RGMB: variants seen among roughly 807,000 people sequenced by gnomAD.
RGMB encodes repulsive guidance molecule BMP co-receptor b, also known as repulsive guidance molecule B.
In RGMB, 16 loss-of-function variants were observed where a neutral mutation model predicts 26.9. The observed-to-expected ratio is 0.60, with a 90% CI of 0.40 to 0.90. The LOEUF is 0.90. RGMB is among the 40% of genes least tolerant of loss of function. RGMB has a pLI of 0.00. For missense variants in RGMB, 512 were observed against 573.3 expected (o/e 0.89, Z 1.09); for synonymous variants, 225 against 229.3 (o/e 0.98, Z 0.17).
rs1456508267 is a variant in RGMB, at chr5:98,793,474, C to G, written c.1035C>G (p.Ala345=). The change falls in exon 3 of 3, where the codon GCC becomes GCG. Residue 345 remains alanine, a synonymous_variant. Transcript: ENST00000513185. ...HSLPRTSLVQ[A]WPGYTLETAN... is the part of the protein sequence containing the mutation. ...TGCCTCGCACCTCCTTGGTGCAGGC[C>G]TGGCCTGGCTACACACTGGAGACTG... The G allele has an allele frequency of 2.5e-6, 4 of 1,613,310 alleles. No individual in the cohort carries two copies. The highest frequency in any genetic ancestry group is 2.5e-6 in the Non-Finnish European group (3 of 1,179,636).
intron 2 of RGMB, among the ~76,000 whole-genome samples, chr5:98,791,269 G>C (rs1580294921): frequency 6.6e-6 from 1 of 152,186 alleles, no homozygotes; most frequent in East Asian, 1.9e-4. Flanking sequence ...TTTAGTTGCA[G>C]CTGCACACAG....
At chr5:98,780,266 A>T in intron 2 of RGMB, 178 bp downstream of exon 2, 1 of 582,380 alleles carries the variant, frequency 1.7e-6, no homozygotes, top group South Asian at 2.7e-5. Flanking sequence ...TTCTTATTGG[A>T]ATGTAAACGT....
At chr5:98,784,680 T>A (rs1475914761) in intron 2 of RGMB, among the ~76,000 whole-genome samples, 2 of 152,250 alleles carry the variant, frequency 1.3e-5, no homozygotes, top group Non-Finnish European at 2.9e-5. Flanking sequence ...ATCTGTTCTC[T>A]GTTGACCCCA....
chr5:98,778,618 A>C (rs897348200), intron 1 of RGMB, among the ~76,000 whole-genome samples: 3 of 152,214 alleles, frequency 2.0e-5, no homozygotes, highest in African/African-American at 7.2e-5. Flanking sequence ...ATTTTATGGA[A>C]CAGAATATTA....
At position 98,793,827 on chromosome 5, in the gene RGMB, TGA is replaced by T; in HGVS notation, c.*76_*77del. On this transcript the variant is annotated 3_prime_UTR_variant, in exon 3 of 3. Transcript: ENST00000513185. Reference sequence around the variant, plus strand: ...TAAAATATATATTGTCATAATATATTGAGTAAAAGAGTATATATGTATATACC... The same window carrying T: ...TAAAATATATATTGTCATAATATATTGTAAAAGAGTATATATGTATATACC... 1.7e-6 allele frequency: 2 copies of T among 1,159,736 alleles called. No homozygotes were observed. Among genetic ancestry groups the T allele is most frequent in the Non-Finnish European group, 2.4e-6 (2 of 840,104 alleles). The allele number at this position is 1,159,736 out of a possible 1,614,324, so 71.8% of individuals were successfully genotyped here.
In RGMB at chr5:98,793,107, A is replaced by C. The variant is rs1373519209; in HGVS notation, c.668A>C (p.His223Pro). 5 of 1,609,438 alleles carry C rather than the reference A, an allele frequency of 3.1e-6. No homozygotes were observed. The highest frequency in any genetic ancestry group is 2.2e-5 in the South Asian group (2 of 90,814). The change falls in exon 3 of 3, where the codon CAC becomes CCC. Residue 223 changes from histidine to proline, a missense_variant. Physicochemically the swap from His to Pro is moderately conservative, Grantham distance 77. Coordinates refer to ENST00000513185, the MANE Select transcript of RGMB (RefSeq NM_001366508.1). ...TNKITIIFKAHHECTDQKVYQ... is the reference protein window; with the variant it reads ...TNKITIIFKAPHECTDQKVYQ... Reference sequence around the variant, plus strand: ...CAGATCACTATTATCTTCAAAGCCCACCATGAGTGTACAGATCAGAAAGTC... The same window carrying C: ...CAGATCACTATTATCTTCAAAGCCCCCCATGAGTGTACAGATCAGAAAGTC...
At chr5:98,784,152 GCAGATGGA>G (rs1390422441) in intron 2 of RGMB, among the ~76,000 whole-genome samples, 1 of 152,292 alleles carries the variant, frequency 6.6e-6, no homozygotes, top group African/African-American at 2.4e-5. Flanking sequence ...TGACTGTTAG[GCAGATGGA>G]CAGATGCTCT....
upstream of RGMB, chr5:98,770,394 G>A: frequency 2.5e-6 from 1 of 395,822 alleles, no homozygotes. Context: ...GACAGGAAGC[G>A]CATTACCTCC....
upstream of RGMB, chr5:98,769,848 G>C (rs1310613026): frequency 6.6e-6 from 1 of 152,376 alleles, no homozygotes. Flanking sequence ...CTCCACGCCT[G>C]GAACCGGCTA....
At chr5:98,790,818 T>G (rs1233478964) in intron 2 of RGMB, among the ~76,000 whole-genome samples, 1 of 152,270 alleles carries the variant, frequency 6.6e-6, no homozygotes, top group Non-Finnish European at 1.5e-5. Context: ...TTAGCCGTCA[T>G]TGAAGAGTTT....
In RGMB at chr5:98,793,818, A is replaced by G; in HGVS notation, c.*65A>G. 8.2e-7 allele frequency: 1 copy of G among 1,224,764 alleles called. No individual in the cohort carries two copies. Among genetic ancestry groups the G allele is most frequent in the South Asian group, 1.6e-5 (1 of 61,534 alleles). 75.9% of individuals were successfully genotyped at this position (1,224,764 alleles called of 1,614,324 possible). A position where few individuals can be genotyped will look rare whatever the true frequency, so the allele number is the denominator to read the frequency against. ...ACAAAATTTTAAAATATATATTGTCATAATATATTGAGTAAAAGAGTATAT... is the reference window on the plus strand; with the variant it reads ...ACAAAATTTTAAAATATATATTGTCGTAATATATTGAGTAAAAGAGTATAT... On this transcript the variant is annotated 3_prime_UTR_variant, in exon 3 of 3. Coordinates refer to ENST00000513185, the MANE Select transcript of RGMB (RefSeq NM_001366508.1).
upstream of RGMB, chr5:98,769,208 T>TA (rs1406444368): frequency 7.1e-6 from 1 of 141,656 alleles, no homozygotes; most frequent in East Asian, 2.1e-4. Flanking sequence ...CCGTCCGCAG[T>TA]GCCGGAATGA....
chr5:98,773,610 C>CG, upstream of RGMB: 1 of 258,402 alleles, frequency 3.9e-6, no homozygotes, highest in South Asian at 1.8e-4. Flanking sequence ...GGGCACAGGG[C>CG]GGGGCGGGAC....
At position 98,779,716 on chromosome 5, in the gene RGMB, CA is replaced by C; in HGVS notation, c.274del (p.Thr92ProfsTer25). On this transcript the variant is annotated frameshift_variant, in exon 2 of 3. Transcript: ENST00000513185. LOFTEE classifies it high-confidence loss of function. ...AGGCCTTGCGTGCCTATGCTGGCTG[CA>C]CCCAGCGAACTTCAAAAGCCTGCCG... Reference protein sequence around the residue: ...CKALRAYAGCTQRTSKACRGN... With the variant: ...CKALRAYAGCXQRTSKACRGN... The C allele has an allele frequency of 6.2e-7, 1 of 1,612,298 alleles. No homozygotes were observed. The highest frequency in any genetic ancestry group is 8.5e-7 in the Non-Finnish European group (1 of 1,178,698).
At chr5:98,770,699 A>G, upstream of RGMB, 1 of 1,416,798 alleles carries the variant, frequency 7.1e-7, no homozygotes, top group Non-Finnish European at 9.4e-7. Context: ...TGATTTCTCA[A>G]GTCGCCCGCT....
At chr5:98,785,526 C>T (rs1746744846) in intron 2 of RGMB, among the ~76,000 whole-genome samples, 1 of 152,162 alleles carries the variant, frequency 6.6e-6, no homozygotes, top group Non-Finnish European at 1.5e-5. Flanking sequence ...CTCTTTCCAC[C>T]TCCCACAGTA....
intron 2 of RGMB, among the ~76,000 whole-genome samples, chr5:98,782,851 C>G (rs1353724988): frequency 1.3e-5 from 2 of 152,190 alleles, no homozygotes; most frequent in African/African-American, 2.4e-5. Context: ...CTAGGTACCC[C>G]CCTTTTCCTT....
Position 98,793,784 on chromosome 5 carries a change from T to A in RGMB, c.*31T>A. ...GTCTTTTGTTTTGGTTTTTTATTTT[T>A]TGTCTATAACAAAATTTTAAAATAT... is the stretch of plus-strand genomic sequence containing the variant. On this transcript the variant is annotated 3_prime_UTR_variant, in exon 3 of 3. Transcript: ENST00000513185. 1.4e-6 allele frequency: 2 copies of A among 1,472,928 alleles called. No individual in the cohort carries two copies. The highest frequency in any genetic ancestry group is 1.8e-6 in the Non-Finnish European group (2 of 1,106,610). The allele number at this position is 1,472,928 out of a possible 1,614,324, so 91.2% of individuals were successfully genotyped here. A position where few individuals can be genotyped will look rare whatever the true frequency, so the allele number is the denominator to read the frequency against.
At chr5:98,774,781 C>T (rs999683967) in intron 1 of RGMB, among the ~76,000 whole-genome samples, 7 of 152,116 alleles carry the variant, frequency 4.6e-5, no homozygotes, top group South Asian at 2.1e-4. Context: ...TGCGTTTGTT[C>T]AGCGATCAGC....
Sources: allele counts gnomAD v4.1 joint callset (sites outside exome capture counted in the v4.1 genomes callset), GRCh38; gene constraint gnomAD v4.1.1; transcripts MANE v1.5; gene names NCBI Gene and HGNC (gene_info 2026-07-23, HGNC 2026-07-21).